Variants in LAMC2 observed in about 807,000 individuals in gnomAD.
LAMC2 encodes laminin subunit gamma-2.
In LAMC2, 97 loss-of-function variants were observed where a neutral mutation model predicts 140.2. The ratio of observed to expected loss-of-function variants is 0.69; its 90% CI spans 0.59 to 0.82. The LOEUF (loss-of-function observed/expected upper bound fraction) is 0.82, where lower values mean the gene tolerates loss of function less well. LAMC2 is among the 40% of genes least tolerant of loss of function. The pLI is 0.00. For synonymous variants in LAMC2, 513 were observed against 540.2 expected, an observed-to-expected ratio of 0.95 and a Z score of 0.70; for missense variants, 1,402 against 1,476.1, an observed-to-expected ratio of 0.95 and a Z score of 0.82.
At chr1:183,187,397 T>G (rs1658188237) in intron 1 of LAMC2, among the ~76,000 whole-genome samples, 3 of 152,140 alleles carry the variant, frequency 2.0e-5, no homozygotes, top group African/African-American at 7.2e-5. Context: ...TTTGAGCATG[T>G]GTTTGAATGC....
chr1:183,225,060 T>G (rs1659585730), intron 7 of LAMC2, among the ~76,000 whole-genome samples: 1 of 115,618 alleles, frequency 8.6e-6, no homozygotes, highest in East Asian at 2.7e-4. Flanking sequence ...CCTGGATGAG[T>G]AAAAAACAAA....
At chr1:183,241,777 A>G (rs1022793160) in intron 22 of LAMC2, among the ~76,000 whole-genome samples, 3 of 147,940 alleles carry the variant, frequency 2.0e-5, no homozygotes, top group South Asian at 2.2e-4. Context: ...AAGGATTGAG[A>G]AAAAAAAAAG....
chr1:183,207,118 G>A (rs1373077680), intron 1 of LAMC2, among the ~76,000 whole-genome samples: 1 of 152,218 alleles, frequency 6.6e-6, no homozygotes, highest in East Asian at 1.9e-4. Flanking sequence ...ATTGGTATTT[G>A]ATTCTTTCCT....
chr1:183,204,353 T>G (rs936349505), intron 1 of LAMC2, among the ~76,000 whole-genome samples: 1 of 151,832 alleles, frequency 6.6e-6, no homozygotes, highest in Non-Finnish European at 1.5e-5. Flanking sequence ...CCCAGCACTT[T>G]GAGAAGCCAA....
intron 18 of LAMC2, among the ~76,000 whole-genome samples, chr1:183,238,001 T>G (rs1558098542): frequency 6.6e-6 from 1 of 152,228 alleles, no homozygotes; most frequent in Non-Finnish European, 1.5e-5. Flanking sequence ...GAATAGGACC[T>G]AGGCCTCTTG....
intron 1 of LAMC2, among the ~76,000 whole-genome samples, chr1:183,186,862 T>G (rs1658170480): frequency 2.6e-5 from 4 of 152,324 alleles, no homozygotes; most frequent in Middle Eastern, 6.8e-3. Flanking sequence ...CTGTAATTGA[T>G]GTTTCAAATT....
At chr1:183,232,508 A>C (rs1659830450) in intron 13 of LAMC2, 144 bp from the exon 14 acceptor site, 5 of 1,075,370 alleles carry the variant, frequency 4.6e-6, no homozygotes, top group Non-Finnish European at 2.8e-6. Context: ...TGGGATCTGA[A>C]TGATGGTGAT....
intron 1 of LAMC2, among the ~76,000 whole-genome samples, chr1:183,199,097 CTT>C (rs906113983): frequency 1.5e-5 from 1 of 67,608 alleles, no homozygotes; most frequent in East Asian, 5.7e-4. Flanking sequence ...GTTGGCTTTT[CTT>C]TTTTTTTTTT....
intron 11 of LAMC2, 60 bp from the exon 12 acceptor site, chr1:183,230,901 C>T: frequency 1.9e-6 from 3 of 1,596,806 alleles, no homozygotes; most frequent in Non-Finnish European, 2.6e-6. Flanking sequence ...TGTATCTTTG[C>T]TCTACCTCCA....
rs948329225 is a variant in LAMC2 at position 183,241,163 on chromosome 1, G to T, written c.3328+772G>T. ...CTCAGGAGTCTGAGGCAGGAGAATC[G>T]CTTGAACCCAGGAGGCGGAGGTTAC... On this transcript the variant is annotated intron_variant, in intron 22 of 22. Coordinates refer to ENST00000264144, the MANE Select transcript of LAMC2 (RefSeq NM_005562.3). 1.8e-5 allele frequency: 5 copies of T among 277,060 alleles called. No homozygotes were observed. The Admixed American group carries it at 2.0e-4, about 11-fold the overall frequency. The allele number at this position is 277,060 out of a possible 1,614,324, so 17.2% of individuals were successfully genotyped here.
At chr1:183,207,813 C>A in intron 1 of LAMC2, 68 bp from the exon 2 acceptor site, 2 of 1,284,538 alleles carry the variant, frequency 1.6e-6, no homozygotes, top group South Asian at 1.2e-5. Context: ...ACATAAACAC[C>A]TGCTAGAACA....
chr1:183,201,582 A>G (rs1028482674), intron 1 of LAMC2, among the ~76,000 whole-genome samples: 1 of 152,162 alleles, frequency 6.6e-6, no homozygotes, highest in Non-Finnish European at 1.5e-5. Context: ...TACATGCTTG[A>G]CACAGGCAAA....
chr1:183,225,373 A>T (rs1277316649), intron 7 of LAMC2, among the ~76,000 whole-genome samples: 1 of 152,140 alleles, frequency 6.6e-6, no homozygotes, highest in African/African-American at 2.4e-5. Flanking sequence ...TCACCCCTGG[A>T]TCTGGACTTC....
intron 5 of LAMC2, 25 bp from the exon 6 acceptor site, chr1:183,222,064 C>T (rs1013620992): frequency 1.2e-6 from 2 of 1,614,006 alleles, no homozygotes; most frequent in Non-Finnish European, 1.7e-6. Context: ...TTGTCCAATG[C>T]AGACTGATTA....
chr1:183,231,185 A>G, intron 12 of LAMC2, 82 bp downstream of exon 12: 1 of 1,512,014 alleles, frequency 6.6e-7, no homozygotes, highest in East Asian at 2.3e-5. Context: ...TCACAGATCT[A>G]GGACACTCCT....
chr1:183,252,340 CG>C, the LAMC2 span: 1 of 344,418 alleles, frequency 2.9e-6, no homozygotes, highest in East Asian at 6.6e-5. Flanking sequence ...GCACCAGAGC[CG>C]CCTCTCTAGA....
intron 2 of LAMC2, among the ~76,000 whole-genome samples, chr1:183,211,632 T>G (rs1659072310): frequency 6.6e-6 from 1 of 152,144 alleles, no homozygotes; most frequent in South Asian, 2.1e-4. Context: ...TGCCTCAGCC[T>G]CCTGAGTAGC....
intron 7 of LAMC2, among the ~76,000 whole-genome samples, chr1:183,225,233 A>G (rs1002369030): frequency 6.6e-6 from 1 of 152,198 alleles, no homozygotes; most frequent in African/African-American, 2.4e-5. Context: ...TTTTTTTTAA[A>G]AAAAATGAAT....
At chr1:183,223,046 C>T in intron 6 of LAMC2, 89 bp from the exon 7 acceptor site, 1 of 1,218,802 alleles carries the variant, frequency 8.2e-7, no homozygotes, top group Non-Finnish European at 1.2e-6. Flanking sequence ...AGGACTTCAA[C>T]AGAAATTGCC....
Sources: gnomAD v4.1 joint callset for allele counts (sites outside exome capture counted in the v4.1 genomes callset) on GRCh38, gnomAD v4.1.1 for gene constraint, MANE v1.5 for transcripts, NCBI Gene and HGNC (gene_info 2026-07-23, HGNC 2026-07-21) for gene names.